The following DCLK2 variants were observed in gnomAD, a reference collection of about 807,000 sequenced individuals.
DCLK2 encodes doublecortin like kinase 2.
A neutral mutation model predicts 78.4 loss-of-function variants in DCLK2; 31 were observed. The observed-to-expected ratio is 0.40, with a 90% confidence interval of 0.30 to 0.53. The LOEUF (loss-of-function observed/expected upper bound fraction) is 0.53, where lower values mean the gene tolerates loss of function less well. Ranked by LOEUF, DCLK2 falls within the 20% of genes least tolerant of loss-of-function variation. The pLI is 0.61. For synonymous variants in DCLK2, 407 were observed against 374.9 expected (o/e 1.09, Z -0.99); for missense variants, 872 against 973.7 (o/e 0.90, Z 1.39).
intron 2 of DCLK2, among the ~76,000 whole-genome samples, chr4:150,127,848 C>A (rs1435390280): frequency 6.6e-6 from 1 of 152,162 alleles, no homozygotes; most frequent in Non-Finnish European, 1.5e-5. Flanking sequence ...AGTATAAGAG[C>A]ATCATTATAG....
intron 8 of DCLK2, among the ~76,000 whole-genome samples, chr4:150,227,489 G>A (rs1166852944): frequency 6.6e-6 from 1 of 152,150 alleles, no homozygotes; most frequent in African/African-American, 2.4e-5. Context: ...CAGGAACAGT[G>A]GGTAGGGAGG....
chr4:150,214,935 C>T (rs1334209306), intron 5 of DCLK2, among the ~76,000 whole-genome samples: 1 of 143,372 alleles, frequency 7.0e-6, no homozygotes, highest in African/African-American at 2.6e-5. Context: ...GCACTCCACC[C>T]TGGGTGACAG....
At chr4:150,092,566 T>C (rs28887006) in intron 1 of DCLK2, among the ~76,000 whole-genome samples, 21,951 of 152,182 alleles carry the variant, frequency 0.14, 1,965 homozygotes, top group Non-Finnish European at 0.21. Context: ...TGAGCATCTT[T>C]TCATATACTT....
At chr4:150,109,573 G>A (rs955285256) in intron 2 of DCLK2, among the ~76,000 whole-genome samples, 4 of 152,114 alleles carry the variant, frequency 2.6e-5, no homozygotes, top group South Asian at 4.1e-4. Flanking sequence ...TCCTGACATC[G>A]TGTTCCGCCC....
intron 1 of DCLK2, among the ~76,000 whole-genome samples, chr4:150,092,492 C>G (rs912040330): frequency 1.3e-5 from 2 of 152,076 alleles, no homozygotes; most frequent in East Asian, 1.9e-4. Context: ...CCCATTCATC[C>G]TAACAGGAGT....
intron 2 of DCLK2, among the ~76,000 whole-genome samples, chr4:150,186,894 ATGTGTGTGTG>A (rs10683241): frequency 1.4e-4 from 21 of 147,598 alleles, no homozygotes; most frequent in Middle Eastern, 3.4e-3. Context: ...CTATCTCAAA[ATGTGTGTGTG>A]TGTGTGTGTG....
chr4:150,159,555 T>C (rs1735555318), intron 2 of DCLK2, among the ~76,000 whole-genome samples: 1 of 152,212 alleles, frequency 6.6e-6, no homozygotes, highest in Non-Finnish European at 1.5e-5. Flanking sequence ...AGTGAAAAGC[T>C]GAGAGTGTGG....
intron 2 of DCLK2, among the ~76,000 whole-genome samples, chr4:150,147,936 A>T (rs1734600527): frequency 6.6e-6 from 1 of 152,266 alleles, no homozygotes; most frequent in Non-Finnish European, 1.5e-5. Flanking sequence ...AGATGTTGAA[A>T]TTAGGGTTGC....
intron 2 of DCLK2, among the ~76,000 whole-genome samples, chr4:150,138,422 A>G (rs1397364705): frequency 6.6e-6 from 1 of 152,206 alleles, no homozygotes; most frequent in African/African-American, 2.4e-5. Flanking sequence ...CAGCCTGGCC[A>G]ACATGGTGAA....
At chr4:150,160,376 A>G (rs772462179) in intron 2 of DCLK2, among the ~76,000 whole-genome samples, 2 of 152,094 alleles carry the variant, frequency 1.3e-5, no homozygotes, top group Non-Finnish European at 2.9e-5. Context: ...TGAGAGTTAC[A>G]TGTTTGTTAT....
rs1158205545 is a variant in DCLK2 at position 150,198,010 on chromosome 4, G to A, written c.868G>A (p.Val290Ile). 5.0e-6 allele frequency: 8 copies of A among 1,612,608 alleles called. No homozygotes were observed. The highest frequency in any genetic ancestry group is 6.8e-6 in the Non-Finnish European group (8 of 1,179,640). Residue 290 changes from valine to isoleucine, a missense_variant, in exon 4 of 16, where the codon GTC becomes ATC. Val to Ile is a conservative substitution (Grantham distance 29). This residue lies in a region of DCLK2 where 567 missense variants were observed against 593.4 expected (regional missense o/e 0.96). Coordinates refer to ENST00000296550, the MANE Select transcript of DCLK2 (RefSeq NM_001040260.4). ...CTTTTGTTCTTTTCTAGAATGTCGT[G>A]TCCTGAAGTCATCTTATTCTCGATC... ...DFVLDHSECR[V>I]LKSSYSRSSA... is the part of the protein sequence containing the mutation.
rs1729053474 is a variant in DCLK2 at position 150,079,242 on chromosome 4, A to G, written c.215A>G (p.Lys72Arg). The change falls in exon 1 of 16, where the codon AAG becomes AGG. Residue 72 changes from lysine to arginine, a missense_variant. Lys to Arg is a conservative substitution (Grantham distance 26). Around this residue, in one of 3 missense-constraint regions of DCLK2, gnomAD observed 567 missense variants for 593.4 expected, o/e 0.96. Transcript: ENST00000296550. ...LQALSSEKKAKKARFYRNGDR... is the reference protein window; with the variant it reads ...LQALSSEKKARKARFYRNGDR... The stretch of plus-strand genomic sequence containing the variant: ...GCCCTCAGCTCGGAGAAGAAGGCCA[A>G]GAAGGCGCGCTTCTACCGGAACGGG... 6.2e-7 allele frequency: 1 copy of G among 1,609,332 alleles called. No individual in the cohort carries two copies. Among genetic ancestry groups the G allele is most frequent in the Non-Finnish European group, 8.5e-7 (1 of 1,178,014 alleles).
chr4:150,117,968 T>A (rs1240137597), intron 2 of DCLK2, among the ~76,000 whole-genome samples: 1 of 152,174 alleles, frequency 6.6e-6, no homozygotes, highest in African/African-American at 2.4e-5. Flanking sequence ...CTTACAACTT[T>A]GAGAGTTAGG....
chr4:150,196,371 G>A (rs781681910), intron 3 of DCLK2, among the ~76,000 whole-genome samples: 18 of 152,136 alleles, frequency 1.2e-4, no homozygotes, highest in East Asian at 1.2e-3. Flanking sequence ...TTCAACAGTC[G>A]GATACTTTTA....
At chr4:150,144,676 T>C (rs1172370055) in intron 2 of DCLK2, among the ~76,000 whole-genome samples, 1 of 152,122 alleles carries the variant, frequency 6.6e-6, no homozygotes, top group Non-Finnish European at 1.5e-5. Flanking sequence ...AGCCTCAAAC[T>C]CTTGGGCTCA....
intron 7 of DCLK2, among the ~76,000 whole-genome samples, chr4:150,222,415 T>A (rs1741252928): frequency 6.6e-6 from 1 of 152,236 alleles, no homozygotes; most frequent in Non-Finnish European, 1.5e-5. Flanking sequence ...TCTCCTATAT[T>A]TACCGGTGTC....
chr4:150,087,617 C>A (rs9996035), intron 1 of DCLK2, among the ~76,000 whole-genome samples: 58,062 of 151,972 alleles, frequency 0.38, 11,323 homozygotes, highest in Non-Finnish European at 0.42. Flanking sequence ...ATGGACAGCC[C>A]TGTAGAAATA....
chr4:150,203,663 C>T, intron 4 of DCLK2, 132 bp from the exon 5 acceptor site: 2 of 492,458 alleles, frequency 4.1e-6, no homozygotes, highest in Admixed American at 7.7e-5. Context: ...TGCTGATTTG[C>T]CGTCTGCTTT....
Position 150,078,839 on chromosome 4 carries a change from T to G in DCLK2, c.-189T>G. 1.5e-6 allele frequency: 1 copy of G among 667,118 alleles called. No homozygotes were observed. The highest frequency in any genetic ancestry group is 2.3e-6 in the Non-Finnish European group (1 of 431,662). The allele number at this position is 667,118 out of a possible 1,614,324, so 41.3% of individuals were successfully genotyped here. A position where few individuals can be genotyped will look rare whatever the true frequency, so the allele number is the denominator to read the frequency against. ...TGGGCAGCTCGGCGCTGCGGACACTTTTAGCTGAGGGCGCGGGCGGGTCGG... is the reference window on the plus strand; with the variant it reads ...TGGGCAGCTCGGCGCTGCGGACACTGTTAGCTGAGGGCGCGGGCGGGTCGG... On this transcript the variant is annotated 5_prime_UTR_variant, in exon 1 of 16. Transcript: ENST00000296550.
Sources: gnomAD v4.1 joint callset for allele counts (sites outside exome capture counted in the v4.1 genomes callset) on GRCh38, gnomAD v4.1.1 for gene constraint, gnomAD v4.1.1 regional missense constraint, MANE v1.5 for transcripts, NCBI Gene and HGNC (gene_info 2026-07-23, HGNC 2026-07-21) for gene names.